Variants in MAML3 observed in about 807,000 individuals in gnomAD.
MAML3 encodes mastermind like transcriptional coactivator 3, also known as mastermind-like protein 3.
MAML3 carries 27 observed loss-of-function variants against 101.9 expected under a neutral mutation model. The observed-to-expected ratio is 0.27, with a 90% CI of 0.20 to 0.37. The LOEUF is 0.37. Among genes scored for constraint, MAML3 ranks in the 10% least tolerant of loss-of-function variants. The pLI is 1.00. For synonymous variants in MAML3, 501 were observed against 555.9 expected, an observed-to-expected ratio of 0.90 and a Z score of 1.39; for missense variants, 1,316 against 1,444.9, an observed-to-expected ratio of 0.91 and a Z score of 1.45.
intron 1 of MAML3, among the ~76,000 whole-genome samples, chr4:140,151,968 G>T (rs559656700): frequency 6.6e-6 from 1 of 152,218 alleles, no homozygotes. Flanking sequence ...CGGGGCAGGG[G>T]GCGCCAAGCG....
At chr4:140,135,471 CT>C (rs1207229620) in intron 1 of MAML3, among the ~76,000 whole-genome samples, 1 of 152,208 alleles carries the variant, frequency 6.6e-6, no homozygotes, top group Non-Finnish European at 1.5e-5. Context: ...CACTGGGCTG[CT>C]GTGAAAAAAG....
chr4:140,120,657 A>T lies in MAML3; in HGVS notation c.468+32203T>A, dbSNP rs186838964. 2.0e-5 allele frequency among the ~76,000 whole-genome samples: 3 copies of T among 152,376 alleles called. No homozygotes were observed. The East Asian group carries it at 5.8e-4, about 29-fold the overall frequency. On this transcript the variant is annotated intron_variant, in intron 1 of 4. Coordinates refer to ENST00000509479, the MANE Select transcript of MAML3 (RefSeq NM_018717.5). ...ATCTTTTCCCATATAAAGACTGGTC[A>T]CAGCTAAGATCGAATAGTTTCTCCT... is the stretch of plus-strand genomic sequence containing the variant.
At chr4:139,950,596 G>T (rs1013933717) in intron 1 of MAML3, among the ~76,000 whole-genome samples, 3 of 152,134 alleles carry the variant, frequency 2.0e-5, no homozygotes, top group African/African-American at 7.2e-5. Context: ...TATAAGAAAA[G>T]ATAAAGTTGG....
chr4:140,052,442 T>G (rs1381385487), intron 1 of MAML3, among the ~76,000 whole-genome samples: 2 of 152,214 alleles, frequency 1.3e-5, no homozygotes, highest in African/African-American at 4.8e-5. Context: ...GACTCTGCCA[T>G]GGATCACCTA....
chr4:140,089,311 A>G (rs981835688), intron 1 of MAML3, among the ~76,000 whole-genome samples: 8 of 152,232 alleles, frequency 5.3e-5, no homozygotes, highest in Non-Finnish European at 1.2e-4. Flanking sequence ...TTGACCAATA[A>G]TAATAAGAAA....
rs1012422883 is a variant in MAML3, at chr4:139,927,065, C to A, written c.469-36098G>T. 5.5e-5 allele frequency among the ~76,000 whole-genome samples: 5 copies of A among 91,638 alleles called. No homozygotes were observed. In the South Asian group the frequency reaches 8.4e-4, roughly 15 times the overall value. The allele number at this position is 91,638 out of a possible 152,430, so 60.1% of individuals were successfully genotyped here. ...TTGTGTGTGTTTAATGAGTTTTTTTCTTTTTTCTTTTTTTTTTTTTTGTAC... is the reference window on the plus strand; with the variant it reads ...TTGTGTGTGTTTAATGAGTTTTTTTATTTTTTCTTTTTTTTTTTTTTGTAC... On this transcript the variant is annotated intron_variant, in intron 1 of 4. Transcript: ENST00000509479.
chr4:139,817,744 G>A (rs1730914096), intron 2 of MAML3, among the ~76,000 whole-genome samples: 1 of 152,166 alleles, frequency 6.6e-6, no homozygotes, highest in Admixed American at 6.5e-5. Flanking sequence ...CAGCTCTCAG[G>A]AGAGTGGGCA....
At chr4:140,088,266 A>AAAGG (rs1189491054) in intron 1 of MAML3, among the ~76,000 whole-genome samples, 4 of 151,986 alleles carry the variant, frequency 2.6e-5, no homozygotes, top group Non-Finnish European at 5.9e-5. Flanking sequence ...AGTAAGGAAG[A>AAAGG]AAGGAAGGGA....
chr4:139,835,061 A>G (rs1412887056), intron 2 of MAML3, among the ~76,000 whole-genome samples: 1 of 152,270 alleles, frequency 6.6e-6, no homozygotes, highest in Non-Finnish European at 1.5e-5. Flanking sequence ...GAGGGGAACA[A>G]GACAAGGGGG....
intron 2 of MAML3, among the ~76,000 whole-genome samples, chr4:139,739,210 C>T (rs1343409396): frequency 1.3e-5 from 2 of 152,178 alleles, no homozygotes; most frequent in South Asian, 2.1e-4. Context: ...ACAGCTTCTC[C>T]GAGCTCCTGA....
intron 2 of MAML3, among the ~76,000 whole-genome samples, chr4:139,751,950 A>G (rs1433810940): frequency 1.3e-5 from 2 of 152,264 alleles, no homozygotes; most frequent in Admixed American, 1.3e-4. Flanking sequence ...TCCATATAAA[A>G]GGAAGCCTGT....
At chr4:139,844,611 C>G (rs940399597) in intron 2 of MAML3, among the ~76,000 whole-genome samples, 1 of 152,204 alleles carries the variant, frequency 6.6e-6, no homozygotes, top group Non-Finnish European at 1.5e-5. Flanking sequence ...GCAGTGTGTA[C>G]TGCTCTTAAT....
intron 1 of MAML3, among the ~76,000 whole-genome samples, chr4:140,039,182 C>T (rs1347855138): frequency 6.6e-6 from 1 of 152,056 alleles, no homozygotes; most frequent in African/African-American, 2.4e-5. Flanking sequence ...CCATAACTTT[C>T]TTGGGATGAA....
chr4:139,784,084 G>C (rs1730263222), intron 2 of MAML3, among the ~76,000 whole-genome samples: 1 of 152,146 alleles, frequency 6.6e-6, no homozygotes, highest in South Asian at 2.1e-4. Context: ...AGCTTTCTCT[G>C]ATGCAAGAGA....
intron 1 of MAML3, among the ~76,000 whole-genome samples, chr4:140,031,203 CA>C (rs1197043873): frequency 2.0e-5 from 3 of 152,098 alleles, no homozygotes; most frequent in Non-Finnish European, 4.4e-5. Context: ...AAGAAAACGC[CA>C]TCATTATTCT....
At chr4:139,804,979 G>C (rs1210340068) in intron 2 of MAML3, among the ~76,000 whole-genome samples, 1 of 152,178 alleles carries the variant, frequency 6.6e-6, no homozygotes, top group African/African-American at 2.4e-5. Flanking sequence ...AGAAGTTCAA[G>C]ACCAGCCTGG....
At chr4:139,894,320 C>T (rs1423082675) in intron 1 of MAML3, among the ~76,000 whole-genome samples, 2 of 152,024 alleles carry the variant, frequency 1.3e-5, no homozygotes, top group Non-Finnish European at 1.5e-5. Flanking sequence ...ACCATCCTGG[C>T]CAACACGGTG....
intron 1 of MAML3, among the ~76,000 whole-genome samples, chr4:139,943,558 A>T (rs1334096546): frequency 6.6e-6 from 1 of 152,198 alleles, no homozygotes; most frequent in Non-Finnish European, 1.5e-5. Flanking sequence ...CTGGAATTCT[A>T]GAGAATGGCC....
At chr4:140,126,550 A>T (rs1156265306) in intron 1 of MAML3, among the ~76,000 whole-genome samples, 1 of 152,196 alleles carries the variant, frequency 6.6e-6, no homozygotes. Context: ...CGCCTCCTTC[A>T]GAAATACACT....
Sources: gnomAD v4.1 joint callset for allele counts (sites outside exome capture counted in the v4.1 genomes callset) on GRCh38, gnomAD v4.1.1 for gene constraint, MANE v1.5 for transcripts, NCBI Gene and HGNC (gene_info 2026-07-23, HGNC 2026-07-21) for gene names.